The following CCDC18 variants were observed in gnomAD, a reference collection of about 807,000 sequenced individuals.
The protein encoded by CCDC18 is coiled-coil domain-containing protein 18.
A neutral mutation model predicts 196.0 loss-of-function variants in CCDC18; 157 were observed. That is an observed-to-expected ratio of 0.80 (90% CI 0.70 to 0.91). The LOEUF (loss-of-function observed/expected upper bound fraction) is 0.91, where lower values mean the gene tolerates loss of function less well. CCDC18 is among the 40% of genes least tolerant of loss of function. CCDC18 has a pLI of 0.00. For missense variants in CCDC18, 1,465 were observed against 1,611.6 expected, an observed-to-expected ratio of 0.91 and a Z score of 1.56; for synonymous variants, 482 against 529.2, an observed-to-expected ratio of 0.91 and a Z score of 1.22.
intron 4 of CCDC18, among the ~76,000 whole-genome samples, chr1:93,189,173 T>C (rs1242912679): frequency 6.6e-6 from 1 of 152,190 alleles, no homozygotes; most frequent in African/African-American, 2.4e-5. Flanking sequence ...TCTGTGTCCA[T>C]GAGTTCAATT....
chr1:93,216,825 C>T (rs1360751998), intron 13 of CCDC18, 79 bp downstream of exon 13: 9 of 644,004 alleles, frequency 1.4e-5, no homozygotes, highest in South Asian at 1.3e-4. Flanking sequence ...GTTTTAGCAT[C>T]ATTATTATAA....
chr1:93,219,575 T>A (rs1256870381), intron 14 of CCDC18, among the ~76,000 whole-genome samples: 1 of 152,124 alleles, frequency 6.6e-6, no homozygotes, highest in African/African-American at 2.4e-5. Context: ...GCATGGAAAA[T>A]GGATCATTCT....
chr1:93,250,424 A>C (rs1662089008), intron 23 of CCDC18, among the ~76,000 whole-genome samples: 1 of 151,464 alleles, frequency 6.6e-6, no homozygotes, highest in South Asian at 2.1e-4. Flanking sequence ...AAGAATATGT[A>C]TTCAGTAACA....
intron 9 of CCDC18, among the ~76,000 whole-genome samples, chr1:93,208,047 C>G (rs2101935323): frequency 6.6e-6 from 1 of 152,120 alleles, no homozygotes; most frequent in South Asian, 2.1e-4. Context: ...ATTGTTTCCA[C>G]TTTGGGATAT....
intron 7 of CCDC18, among the ~76,000 whole-genome samples, chr1:93,203,752 A>T (rs1654237091): frequency 6.6e-6 from 1 of 151,760 alleles, no homozygotes; most frequent in Non-Finnish European, 1.5e-5. Context: ...GATTGCTTGA[A>T]CTCAGGAGTT....
In CCDC18 at chr1:93,278,684, TTGC is replaced by T. The variant is rs1665773493; in HGVS notation, c.*212_*214del. 3 of 331,400 alleles carry T rather than the reference TTGC, an allele frequency of 9.1e-6. No homozygotes were observed. Among genetic ancestry groups the T allele is most frequent in the South Asian group, 1.5e-4 (1 of 6,564 alleles). 20.5% of individuals were successfully genotyped at this position (331,400 alleles called of 1,614,324 possible). On this transcript the variant is annotated 3_prime_UTR_variant, in exon 29 of 29. Coordinates refer to ENST00000690025, the MANE Select transcript of CCDC18 (RefSeq NM_001378204.1). ...TTATTTATTGTTTTTTGGCTTAAAC[TTGC>T]TGCTTTCTTTTGCTTTTTATATAAA...
At chr1:93,190,835 T>A (rs887424227) in intron 4 of CCDC18, 5 of 722,082 alleles carry the variant, frequency 6.9e-6, no homozygotes, top group Non-Finnish European at 1.0e-5. Flanking sequence ...GATCTGCAGT[T>A]GGGCTCAGTG....
chr1:93,222,297 T>A (rs967567884), intron 16 of CCDC18, among the ~76,000 whole-genome samples: 1 of 152,184 alleles, frequency 6.6e-6, no homozygotes, highest in Non-Finnish European at 1.5e-5. Flanking sequence ...TGATCTTAAT[T>A]ATTTGATAGT....
chr1:93,209,523 A>G (rs1451961051), intron 9 of CCDC18, among the ~76,000 whole-genome samples: 1 of 152,240 alleles, frequency 6.6e-6, no homozygotes, highest in East Asian at 1.9e-4. Flanking sequence ...AAAATCTCAG[A>G]AATCATCTGA....
At chr1:93,185,262 C>T (rs1389170171) in intron 3 of CCDC18, among the ~76,000 whole-genome samples, 1 of 151,664 alleles carries the variant, frequency 6.6e-6, no homozygotes, top group Non-Finnish European at 1.5e-5. Context: ...GGGTACATTG[C>T]CTAGTGGGAA....
chr1:93,270,814 G>C lies in CCDC18; in HGVS notation c.4353G>C (p.Gln1451His). Residue 1451 changes from glutamine to histidine, a missense_variant and splice_region_variant, in exon 28 of 29, where the codon CAG (glutamine) becomes CAC (histidine). Physicochemically the swap from Gln to His is conservative, Grantham distance 24. Transcript: ENST00000690025. ...SSMQTGAGLNQGENV is the reference protein window; with the variant it reads ...SSMQTGAGLNHGENV ...TGCAAACAGGTGCTGGTTTAAATCA[G>C]GTATGTATTTTATACACTGTAAACT... The C allele has an allele frequency of 1.3e-6, 2 of 1,516,604 alleles. No homozygotes were observed. Among genetic ancestry groups the C allele is most frequent in the Non-Finnish European group, 8.8e-7 (1 of 1,131,356 alleles). 93.9% of individuals were successfully genotyped at this position (1,516,604 alleles called of 1,614,324 possible). A position where few individuals can be genotyped will look rare whatever the true frequency, so the allele number is the denominator to read the frequency against.
intron 24 of CCDC18, among the ~76,000 whole-genome samples, chr1:93,255,358 G>C (rs1662816803): frequency 6.6e-6 from 1 of 152,184 alleles, no homozygotes; most frequent in Admixed American, 6.5e-5. Context: ...TGAGTTGCCA[G>C]ATGAAGTTTG....
At chr1:93,235,230 A>G (rs547339050) in intron 18 of CCDC18, among the ~76,000 whole-genome samples, 150 of 152,282 alleles carry the variant, frequency 9.9e-4, no homozygotes, top group African/African-American at 3.5e-3. Flanking sequence ...GACCACAGTC[A>G]TATAAATATT....
At chr1:93,241,723 CAA>C (rs35810581) in intron 21 of CCDC18, among the ~76,000 whole-genome samples, 1 of 59,954 alleles carries the variant, frequency 1.7e-5, no homozygotes. Context: ...GACTCCATCT[CAA>C]AAAAAAAAAA....
chr1:93,275,651 T>G (rs1436530511), intron 28 of CCDC18, among the ~76,000 whole-genome samples: 4 of 152,212 alleles, frequency 2.6e-5, no homozygotes, highest in Non-Finnish European at 4.4e-5. Flanking sequence ...CCCAGTTACT[T>G]AAATCTACTC....
intron 24 of CCDC18, 120 bp from the exon 25 acceptor site, chr1:93,256,215 C>T (rs1662944884): frequency 2.0e-5 from 15 of 759,870 alleles, no homozygotes; most frequent in Non-Finnish European, 3.0e-5. Context: ...TTAACATACT[C>T]ATTGTATGTT....
intron 8 of CCDC18, among the ~76,000 whole-genome samples, chr1:93,206,866 C>G (rs1183866994): frequency 6.6e-6 from 1 of 152,054 alleles, no homozygotes; most frequent in Admixed American, 6.5e-5. Flanking sequence ...CTGTGAGACA[C>G]TAGGAAAGTT....
intron 1 of CCDC18, among the ~76,000 whole-genome samples, chr1:93,181,550 C>G (rs1208851395): frequency 6.6e-6 from 1 of 152,080 alleles, no homozygotes; most frequent in Non-Finnish European, 1.5e-5. Flanking sequence ...CAGTAAATGT[C>G]CCACTAGGAA....
chr1:93,254,491 A>C lies in CCDC18; in HGVS notation c.3219A>C (p.Lys1073Asn). The change falls in exon 24 of 29, where the codon AAA (lysine) becomes AAC (asparagine). Residue 1073 changes from lysine to asparagine, a missense_variant. Lys to Asn is a moderately conservative substitution (Grantham distance 94). Coordinates refer to ENST00000690025, the MANE Select transcript of CCDC18 (RefSeq NM_001378204.1). The stretch of plus-strand genomic sequence containing the variant: ...TTCAGATAGAAAGTCTGAATGACAA[A>C]TTACAAAATGCTAAAGAACAGCTTC... ...CNKQIESLND[K>N]LQNAKEQLRE... The C allele has an allele frequency of 1.3e-6, 2 of 1,587,548 alleles. 1 individual carries two copies. The highest frequency in any genetic ancestry group is 4.5e-5 in the East Asian group (2 of 44,548).
Sources: allele counts gnomAD v4.1 joint callset (sites outside exome capture counted in the v4.1 genomes callset), GRCh38; gene constraint gnomAD v4.1.1; transcripts MANE v1.5; gene names NCBI Gene and HGNC (gene_info 2026-07-23, HGNC 2026-07-21).